DNAH8: variants seen among roughly 807,000 people sequenced by gnomAD.
DNAH8 encodes dynein axonemal heavy chain 8.
A neutral mutation model predicts 562.1 loss-of-function variants in DNAH8; 382 were observed. The observed-to-expected ratio is 0.68, with a 90% CI of 0.63 to 0.74. The LOEUF (loss-of-function observed/expected upper bound fraction) is 0.74. Among genes scored for constraint, DNAH8 ranks in the 30% least tolerant of loss-of-function variants. DNAH8 has a pLI of 0.00. For synonymous variants in DNAH8, 1,881 were observed against 1,919.4 expected, an observed-to-expected ratio of 0.98 and a Z score of 0.52; for missense variants, 5,203 against 5,620.4, an observed-to-expected ratio of 0.93 and a Z score of 2.37.
chr6:39,027,825 C>CAAAT (rs1264299735), intron 92 of DNAH8, among the ~76,000 whole-genome samples: 48 of 151,822 alleles, frequency 3.2e-4, no homozygotes, highest in Non-Finnish European at 5.0e-4. Flanking sequence ...GACTCTGTCT[C>CAAAT]AAATAAATAA....
intron 15 of DNAH8, among the ~76,000 whole-genome samples, chr6:38,780,879 T>G (rs906067478): frequency 6.6e-5 from 10 of 152,172 alleles, no homozygotes; most frequent in Non-Finnish European, 1.3e-4. Context: ...GCCCCCGTTT[T>G]CTGGTGTGTG....
chr6:38,950,442 GC>G (rs1464112734), intron 81 of DNAH8, among the ~76,000 whole-genome samples: 2 of 139,902 alleles, frequency 1.4e-5, no homozygotes, highest in Non-Finnish European at 3.1e-5. Context: ...GTATGAAAAG[GC>G]TTTTTTTTTT....
chr6:38,908,022 A>G lies in DNAH8; in HGVS notation c.9415A>G (p.Arg3139Gly), dbSNP rs1279614934. 1 of 1,612,974 alleles carries G rather than the reference A, an allele frequency of 6.2e-7. No individual in the cohort carries two copies. The highest frequency in any genetic ancestry group is 1.7e-5 in the Admixed American group (1 of 59,844). Residue 3139 changes from arginine to glycine, a missense_variant, in exon 64 of 93, where the codon AGG becomes GGG. Around this residue, in one of 6 missense-constraint regions of DNAH8, gnomAD observed 977 missense variants for 1,061.8 expected, o/e 0.92. Transcript: ENST00000327475. ...CCAAGGTCTGATTTCAGTGATGAAG[A>G]GGGAGCTACCTCGCCATCCTCCTAC... The part of the protein sequence containing the change: ...ITQGLISVMK[R>G]ELPRHPPTFD...
At chr6:38,922,415 TAC>T (rs1253557227) in intron 71 of DNAH8, among the ~76,000 whole-genome samples, 1 of 152,142 alleles carries the variant, frequency 6.6e-6, no homozygotes, top group East Asian at 1.9e-4. Flanking sequence ...CCCCATCGCA[TAC>T]TATTTCCACC....
Position 38,860,647 on chromosome 6 carries a change from C to A in DNAH8, c.6131+18C>A. The A allele has an allele frequency of 7.0e-7, 1 of 1,438,560 alleles. No homozygotes were observed. The highest frequency in any genetic ancestry group is 9.1e-7 in the Non-Finnish European group (1 of 1,093,846). The allele number at this position is 1,438,560 out of a possible 1,614,324, so 89.1% of individuals were successfully genotyped here. A position where few individuals can be genotyped will look rare whatever the true frequency, so the allele number is the denominator to read the frequency against. On this transcript the variant is annotated intron_variant, in intron 43 of 92. Transcript: ENST00000327475. ...ACAGATAGGTAGGAAACCCAGTTTTCGTTTTTTATTTTGTAATTTTAAAAT... is the reference window on the plus strand; with the variant it reads ...ACAGATAGGTAGGAAACCCAGTTTTAGTTTTTTATTTTGTAATTTTAAAAT...
At position 39,015,921 on chromosome 6, in the gene DNAH8, C is replaced by T. The variant is rs78310019; in HGVS notation, c.13714+3284C>T. Among the ~76,000 whole-genome samples the T allele has an allele frequency of 8.0e-3, 1,219 of 152,312 alleles. 20 individuals carry two copies. Among genetic ancestry groups the T allele is most frequent in the African/African-American group, 0.028 (1,161 of 41,562 alleles). On this transcript the variant is annotated intron_variant, in intron 91 of 92. Coordinates refer to ENST00000327475, the MANE Select transcript of DNAH8 (RefSeq NM_001206927.2). Reference sequence around the variant, plus strand: ...TTATCCATGACTGCTTTCTGTTAGTCGCACAGAAGACTGGAAGTCAACTCT... The same window carrying T: ...TTATCCATGACTGCTTTCTGTTAGTTGCACAGAAGACTGGAAGTCAACTCT...
chr6:38,948,558 C>T (rs926095320), intron 80 of DNAH8, among the ~76,000 whole-genome samples: 6 of 152,022 alleles, frequency 3.9e-5, no homozygotes, highest in Admixed American at 1.3e-4. Context: ...AGGCTGGTCT[C>T]GAACTCCCGA....
In DNAH8 at chr6:38,805,575, TAAA is replaced by T. The variant is rs763247724; in HGVS notation, c.3130_3132del (p.Lys1044del). On this transcript the variant is annotated inframe_deletion, in exon 23 of 93. Coordinates refer to ENST00000327475, the MANE Select transcript of DNAH8 (RefSeq NM_001206927.2). ...TTGTGAATGAGTTTGATACTCATGA[TAAA>T]GAAGATGAATTTAAAAAGGTATTTA... 28 of 1,561,964 alleles carry T rather than the reference TAAA, an allele frequency of 1.8e-5. No individual in the cohort carries two copies. The Admixed American group carries it at 3.0e-4, about 17-fold the overall frequency.
At chr6:39,009,424 A>AT (rs1258173432) in intron 89 of DNAH8, among the ~76,000 whole-genome samples, 2 of 152,178 alleles carry the variant, frequency 1.3e-5, no homozygotes, top group African/African-American at 4.8e-5. Flanking sequence ...TATTCCATTG[A>AT]TTTTTAATCA....
At chr6:38,793,065 A>G (rs1015564263) in intron 21 of DNAH8, among the ~76,000 whole-genome samples, 2 of 152,218 alleles carry the variant, frequency 1.3e-5, no homozygotes, top group African/African-American at 4.8e-5. Flanking sequence ...TACAGGTGTG[A>G]GCCACCATGC....
At chr6:38,863,802 G>A in intron 44 of DNAH8, 71 bp from the exon 45 acceptor site, 1 of 1,303,014 alleles carries the variant, frequency 7.7e-7, no homozygotes, top group Non-Finnish European at 1.1e-6. Context: ...TGGGAGCACT[G>A]GAGAAATGAT....
At chr6:38,944,939 A>C (rs1288442300) in intron 79 of DNAH8, among the ~76,000 whole-genome samples, 2 of 147,894 alleles carry the variant, frequency 1.4e-5, no homozygotes, top group African/African-American at 5.0e-5. Context: ...TGTTTCTCCC[A>C]CCCTCCTTCC....
chr6:38,907,079 T>G (rs1473691728), intron 63 of DNAH8, among the ~76,000 whole-genome samples: 1 of 152,222 alleles, frequency 6.6e-6, no homozygotes, highest in East Asian at 1.9e-4. Flanking sequence ...TAAGGGATGT[T>G]CAACTTATAG....
In DNAH8 at chr6:38,815,547, T is replaced by A. The variant is rs1554218874; in HGVS notation, c.3413T>A (p.Val1138Glu). ...IQLTLEVSRG[V>E]AHWGQQQIRP... ...TTAACCCTGGAGGTCAGCAGAGGAG[T>A]GGCTCACTGGGGGCAACAGCAAATC... Residue 1138 changes from valine to glutamate, a missense_variant, in exon 26 of 93, where the codon GTG becomes GAG. Coordinates refer to ENST00000327475, the MANE Select transcript of DNAH8 (RefSeq NM_001206927.2). 7.4e-6 allele frequency: 12 copies of A among 1,613,920 alleles called. No homozygotes were observed. Among genetic ancestry groups the A allele is most frequent in the Non-Finnish European group, 1.0e-5 (12 of 1,179,904 alleles).
intron 17 of DNAH8, 113 bp downstream of exon 17, chr6:38,783,252 A>G (rs1254058506): frequency 4.7e-6 from 4 of 850,546 alleles, no homozygotes; most frequent in South Asian, 2.1e-5. Flanking sequence ...GATAGTTACA[A>G]TTTAGATTTA....
intron 26 of DNAH8, among the ~76,000 whole-genome samples, chr6:38,821,081 A>G (rs552388114): frequency 1.2e-4 from 19 of 152,288 alleles, no homozygotes; most frequent in Non-Finnish European, 2.4e-4. Context: ...TTTGTATGTA[A>G]AAATAACCTA....
intron 65 of DNAH8, among the ~76,000 whole-genome samples, chr6:38,910,884 C>T (rs189886381): frequency 6.8e-4 from 104 of 152,238 alleles, no homozygotes; most frequent in Middle Eastern, 6.8e-3. Context: ...ACTTGAGCTT[C>T]TTCTGTATAA....
chr6:38,938,167 C>T lies in DNAH8; in HGVS notation c.11757C>T (p.Asn3919=). Residue 3919 remains asparagine (N), a synonymous_variant, in exon 78 of 93, where the codon AAC becomes AAT. Transcript: ENST00000327475. ...TCATCACAGAGATGAGCATGGTCAA[C>T]ATCATGTATCAGACGTCATTGGCCC... ...YFLITEMSMV[N]IMYQTSLAQF... The T allele has an allele frequency of 6.2e-7, 1 of 1,614,076 alleles. No individual in the cohort carries two copies. The highest frequency in any genetic ancestry group is 8.5e-7 in the Non-Finnish European group (1 of 1,180,002).
At chr6:38,766,139 A>ATGTGTGTGTGTG (rs145206381) in intron 11 of DNAH8, among the ~76,000 whole-genome samples, 7 of 151,002 alleles carry the variant, frequency 4.6e-5, no homozygotes, top group Non-Finnish European at 7.4e-5. Flanking sequence ...ATGTGTTTGT[A>ATGTGTGTGTGTG]TGTGTGTGTG....
Sources: gnomAD v4.1 joint callset for allele counts (sites outside exome capture counted in the v4.1 genomes callset) on GRCh38, gnomAD v4.1.1 for gene constraint, gnomAD v4.1.1 regional missense constraint, MANE v1.5 for transcripts, NCBI Gene and HGNC (gene_info 2026-07-23, HGNC 2026-07-21) for gene names.